GLYATL2: variants seen among roughly 807,000 people sequenced by gnomAD.
GLYATL2 encodes the protein glycine-N-acyltransferase like 2, also known as glycine N-acyltransferase-like protein 2.
A neutral mutation model predicts 21.4 loss-of-function variants in GLYATL2; 25 were observed. That is an observed-to-expected ratio of 1.17 (90% CI 0.85 to 1.63). The LOEUF (loss-of-function observed/expected upper bound fraction) is 1.63, where lower values mean the gene tolerates loss of function less well. GLYATL2 is among the 40% of genes most tolerant of loss of function. The pLI is 0.00. For missense variants in GLYATL2, 361 were observed against 343.3 expected (o/e 1.05, Z -0.41); for synonymous variants, 114 against 118.2 (o/e 0.96, Z 0.23).
intron 1 of GLYATL2, among the ~76,000 whole-genome samples, chr11:58,856,606 G>C (rs553210962): frequency 6.6e-6 from 1 of 151,984 alleles, no homozygotes; most frequent in South Asian, 2.1e-4. Flanking sequence ...GTTTATAACT[G>C]GCGTAATTTA....
chr11:58,843,756 C>A (rs894172523), intron 1 of GLYATL2, among the ~76,000 whole-genome samples: 7 of 152,038 alleles, frequency 4.6e-5, no homozygotes, highest in African/African-American at 1.7e-4. Flanking sequence ...AGATTGGGAT[C>A]AGATATTAGA....
In GLYATL2 at chr11:58,844,526, T is replaced by G. The variant is rs1340741234; in HGVS notation, c.-133A>C. On this transcript the variant is annotated 5_prime_UTR_variant, in exon 1 of 6. Transcript: ENST00000287275. ...TTTCTGTAGCTAATACTCTACGGAC[T>G]GAAACACAATAAAATTCAACTGACT... 1.3e-5 allele frequency: 2 copies of G among 152,292 alleles called. No homozygotes were observed. Among genetic ancestry groups the G allele is most frequent in the Non-Finnish European group, 1.5e-5 (1 of 68,026 alleles). 9.4% of individuals were successfully genotyped at this position (152,292 alleles called of 1,614,324 possible).
chr11:58,839,777 T>C (rs1047287829), intron 1 of GLYATL2, 125 bp from the exon 2 acceptor site: 9 of 455,846 alleles, frequency 2.0e-5, no homozygotes, highest in Non-Finnish European at 3.5e-5. Flanking sequence ...AGAAATTATC[T>C]AGTCCAAACT....
At chr11:58,907,161 A>G (rs756281267), upstream of GLYATL2, 5 of 422,622 alleles carry the variant, frequency 1.2e-5, no homozygotes, top group African/African-American at 8.2e-5. Flanking sequence ...CGGGGCTCTG[A>G]TCAGTACACA....
chr11:58,909,287 A>G, the GLYATL2 span, among the ~76,000 whole-genome samples: 2 of 152,226 alleles, frequency 1.3e-5, no homozygotes, highest in Admixed American at 6.5e-5. Context: ...GTTTCCTTAT[A>G]CAAGGTGAAT....
the GLYATL2 span, among the ~76,000 whole-genome samples, chr11:58,909,392 T>A: frequency 5.8e-3 from 879 of 152,276 alleles, 7 homozygotes; most frequent in Non-Finnish European, 9.1e-3. Context: ...TAAGTGTTCT[T>A]ATTACAAAAG....
chr11:58,854,069 G>C (rs1853787166), intron 1 of GLYATL2, among the ~76,000 whole-genome samples: 1 of 152,060 alleles, frequency 6.6e-6, no homozygotes, highest in Non-Finnish European at 1.5e-5. Context: ...GTCTTTCTGT[G>C]CCTGGTTTAT....
intron 1 of GLYATL2, among the ~76,000 whole-genome samples, chr11:58,891,006 TA>T (rs1211764591): frequency 6.6e-6 from 1 of 152,178 alleles, no homozygotes; most frequent in Non-Finnish European, 1.5e-5. Flanking sequence ...ATATTCTTTT[TA>T]TAATTCTTTG....
upstream of GLYATL2, among the ~76,000 whole-genome samples, chr11:58,848,746 C>T (rs1030084889): frequency 1.4e-5 from 2 of 144,950 alleles, no homozygotes; most frequent in Non-Finnish European, 3.0e-5. Flanking sequence ...GAATTATTGG[C>T]CTTAAAGAGA....
At chr11:58,901,824 G>C in intron 1 of GLYATL2, among the ~76,000 whole-genome samples, 1 of 152,148 alleles carries the variant, frequency 6.6e-6, no homozygotes, top group East Asian at 1.9e-4. Flanking sequence ...TGCCCCACTG[G>C]AGGTAGACAT....
At chr11:58,865,305 G>A (rs2134598154) in intron 1 of GLYATL2, among the ~76,000 whole-genome samples, 1 of 148,962 alleles carries the variant, frequency 6.7e-6, no homozygotes, top group South Asian at 2.1e-4. Context: ...GGCTAGAAAA[G>A]ACAAAAATAC....
At chr11:58,877,553 C>T (rs1464594766) in intron 1 of GLYATL2, among the ~76,000 whole-genome samples, 1 of 152,072 alleles carries the variant, frequency 6.6e-6, no homozygotes, top group African/African-American at 2.4e-5. Context: ...AAGAAGGGTC[C>T]ACAGAGGAGA....
At chr11:58,886,217 A>T (rs1854436864) in intron 1 of GLYATL2, among the ~76,000 whole-genome samples, 1 of 151,536 alleles carries the variant, frequency 6.6e-6, no homozygotes, top group African/African-American at 2.4e-5. Flanking sequence ...ATCCTGTCTT[A>T]AAAAAAAATG....
rs1590729411 is a variant in GLYATL2 at position 58,860,775 on chromosome 11, C to T, written n.61-22407G>A. On this transcript the variant is annotated intron_variant and non_coding_transcript_variant, in intron 1 of 4. Coordinates refer to the GLYATL2 transcript ENST00000533636. ...CTTTATTGTATGAGCTACATTTCTT[C>T]TATACCTCATTTGTTGAGAGTTCAT... is the stretch of plus-strand genomic sequence containing the variant. Among the ~76,000 whole-genome samples the T allele has an allele frequency of 3.3e-5, 5 of 152,172 alleles. No individual in the cohort carries two copies. The Middle Eastern group carries it at 0.017, about 518-fold the overall frequency.
At chr11:58,875,259 C>T (rs368955793) in intron 1 of GLYATL2, among the ~76,000 whole-genome samples, 5 of 152,076 alleles carry the variant, frequency 3.3e-5, no homozygotes, top group African/African-American at 9.6e-5. Flanking sequence ...CCAGTCTGTG[C>T]CTTTTAATTG....
intron 1 of GLYATL2, among the ~76,000 whole-genome samples, chr11:58,862,601 T>C (rs1170001824): frequency 1.4e-4 from 21 of 152,234 alleles, no homozygotes; most frequent in Admixed American, 1.3e-3. Context: ...CAAAGAACTC[T>C]ATGAAATTTT....
intron 1 of GLYATL2, among the ~76,000 whole-genome samples, chr11:58,896,213 C>T (rs1398110166): frequency 2.6e-5 from 4 of 152,068 alleles, no homozygotes; most frequent in Non-Finnish European, 5.9e-5. Context: ...CAGGTAGAGA[C>T]CCCATCTGCA....
chr11:58,840,881 A>T (rs982074121), intron 1 of GLYATL2: 4 of 150,582 alleles, frequency 2.7e-5, no homozygotes, highest in East Asian at 1.9e-4. Context: ...AAAATAAAAT[A>T]AAAATTAAAA....
At chr11:58,839,939 T>C (rs563317160) in intron 1 of GLYATL2, among the ~76,000 whole-genome samples, 1 of 152,220 alleles carries the variant, frequency 6.6e-6, no homozygotes, top group African/African-American at 2.4e-5. Flanking sequence ...AGTAAAAGAA[T>C]ATGGAGAGTG....
Sources: gnomAD v4.1 joint callset for allele counts (sites outside exome capture counted in the v4.1 genomes callset) on GRCh38, gnomAD v4.1.1 for gene constraint, MANE v1.5 for transcripts, NCBI Gene and HGNC (gene_info 2026-07-23, HGNC 2026-07-21) for gene names.